Variants in CORIN observed in about 807,000 individuals in gnomAD.
The protein encoded by CORIN is atrial natriuretic peptide-converting enzyme.
CORIN carries 117 observed loss-of-function variants against 125.3 expected under a neutral mutation model. The ratio of observed to expected loss-of-function variants is 0.93; its 90% CI spans 0.80 to 1.09. CORIN has a LOEUF of 1.09. CORIN is among the 50% of genes least tolerant of loss of function. CORIN has a pLI of 0.00. For synonymous variants in CORIN, 450 were observed against 466.4 expected (o/e 0.96, Z 0.45); for missense variants, 1,253 against 1,306.7 (o/e 0.96, Z 0.63).
intron 1 of CORIN, among the ~76,000 whole-genome samples, chr4:47,828,526 C>G (rs1472972701): frequency 2.0e-5 from 3 of 152,208 alleles, no homozygotes; most frequent in Non-Finnish European, 4.4e-5. Flanking sequence ...CACTCCAACT[C>G]CATGGGGACA....
chr4:47,637,410 A>C (rs977571555), intron 16 of CORIN, among the ~76,000 whole-genome samples: 4 of 152,244 alleles, frequency 2.6e-5, no homozygotes, highest in Non-Finnish European at 5.9e-5. Flanking sequence ...TGTCTCCAGG[A>C]CATGTCAGAG....
intron 5 of CORIN, among the ~76,000 whole-genome samples, chr4:47,708,987 C>T (rs1726710005): frequency 6.6e-6 from 1 of 152,198 alleles, no homozygotes; most frequent in South Asian, 2.1e-4. Context: ...CTATCAGCTA[C>T]AAGTGCTTGT....
At chr4:47,678,129 G>T in intron 8 of CORIN, 75 bp from the exon 9 acceptor site, 1 of 986,942 alleles carries the variant, frequency 1.0e-6, no homozygotes, top group Non-Finnish European at 1.6e-6. Flanking sequence ...ATAAGCAACA[G>T]CCATTTATCA....
At chr4:47,649,935 C>G (rs1012781844) in intron 13 of CORIN, among the ~76,000 whole-genome samples, 2 of 152,156 alleles carry the variant, frequency 1.3e-5, no homozygotes, top group Non-Finnish European at 2.9e-5. Context: ...CAAAGAGACA[C>G]AAAAGCATAG....
intron 2 of CORIN, 44 bp from the exon 3 acceptor site, chr4:47,786,969 A>G (rs1290884200): frequency 1.5e-6 from 2 of 1,328,888 alleles, no homozygotes; most frequent in Non-Finnish European, 2.1e-6. Context: ...TCTTTGAAAC[A>G]TTACTAGAAG....
chr4:47,826,826 G>A (rs1732761144), intron 1 of CORIN, among the ~76,000 whole-genome samples: 1 of 152,080 alleles, frequency 6.6e-6, no homozygotes, highest in Admixed American at 6.6e-5. Context: ...ACCCTCTAAT[G>A]CCATAGACAC....
intron 1 of CORIN, 64 bp from the exon 2 acceptor site, chr4:47,807,111 G>T: frequency 7.4e-7 from 1 of 1,351,702 alleles, no homozygotes; most frequent in Non-Finnish European, 1.0e-6. Context: ...GAAATTTTAG[G>T]TTACAGCTAT....
At chr4:47,704,942 AG>A (rs2109765573) in intron 5 of CORIN, among the ~76,000 whole-genome samples, 1 of 152,338 alleles carries the variant, frequency 6.6e-6, no homozygotes, top group African/African-American at 2.4e-5. Context: ...AGGCACACAC[AG>A]GGAAGAATTC....
intron 1 of CORIN, among the ~76,000 whole-genome samples, chr4:47,833,418 AC>A (rs1252163655): frequency 5.9e-5 from 9 of 152,066 alleles, no homozygotes; most frequent in Non-Finnish European, 1.2e-4. Flanking sequence ...TAAAGACTTA[AC>A]CATAAGACCT....
intron 1 of CORIN, among the ~76,000 whole-genome samples, chr4:47,824,655 GA>G (rs1290513955): frequency 6.6e-6 from 1 of 152,120 alleles, no homozygotes; most frequent in African/African-American, 2.4e-5. Context: ...AAACAGGATG[GA>G]AACTCAATTC....
rs535482981 is a variant in CORIN at position 47,632,753 on chromosome 4, A to AGATAGATAGATAGAT, written c.2199-6233_2199-6232insATCTATCTATCTATC. On this transcript the variant is annotated intron_variant, in intron 16 of 21. Coordinates refer to ENST00000273857, the MANE Select transcript of CORIN (RefSeq NM_006587.4). ...TAGATAGATAGATAGATAGATAGAT[A>AGATAGATAGATAGAT]GATAGATAGATAGAGATAGATAGTT... is the stretch of plus-strand genomic sequence containing the variant. 6.8e-3 allele frequency among the ~76,000 whole-genome samples: 813 copies of AGATAGATAGATAGAT among 118,818 alleles called. 10 individuals carry two copies. The highest frequency in any genetic ancestry group is 0.025 in the African/African-American group (766 of 31,164). The allele number at this position is 118,818 out of a possible 152,430, so 77.9% of individuals were successfully genotyped here. A position where few individuals can be genotyped will look rare whatever the true frequency, so the allele number is the denominator to read the frequency against.
chr4:47,740,867 A>G (rs766960231), intron 5 of CORIN, among the ~76,000 whole-genome samples: 44 of 151,976 alleles, frequency 2.9e-4, no homozygotes, highest in Non-Finnish European at 5.9e-4. Context: ...ATAGCTCTTC[A>G]ACAATACATA....
chr4:47,689,387 A>T (rs1377597199), intron 6 of CORIN, among the ~76,000 whole-genome samples: 1 of 152,206 alleles, frequency 6.6e-6, no homozygotes, highest in Non-Finnish European at 1.5e-5. Flanking sequence ...TATCAGAGGC[A>T]GGAAATGGTA....
chr4:47,679,226 A>C (rs896662155), intron 8 of CORIN, among the ~76,000 whole-genome samples: 3 of 152,208 alleles, frequency 2.0e-5, no homozygotes, highest in Non-Finnish European at 4.4e-5. Context: ...ATTATTCTCT[A>C]ATGGGTATAG....
chr4:47,653,618 A>G lies in CORIN; in HGVS notation c.1778T>C (p.Val593Ala). Reference sequence around the variant, plus strand: ...GCCATCACATCTTCTGGAAGCCAGAACACACTGTCCTGAGCGGCACTTGAA... The same window carrying G: ...GCCATCACATCTTCTGGAAGCCAGAGCACACTGTCCTGAGCGGCACTTGAA... The part of the protein sequence containing the change: ...SHFKCRSGQC[V>A]LASRRCDGQA... The change falls in exon 13 of 22, where the codon GTT (valine) becomes GCT (alanine). Residue 593 changes from valine to alanine, a missense_variant. Transcript: ENST00000273857. 6.2e-7 allele frequency: 1 copy of G among 1,614,148 alleles called. No homozygotes were observed. The highest frequency in any genetic ancestry group is 8.5e-7 in the Non-Finnish European group (1 of 1,179,982).
intron 21 of CORIN, among the ~76,000 whole-genome samples, chr4:47,596,389 A>G (rs1402328893): frequency 6.6e-6 from 1 of 152,174 alleles, no homozygotes; most frequent in Non-Finnish European, 1.5e-5. Context: ...AGCATAACAC[A>G]ATTTGGGGTC....
At chr4:47,731,798 G>A (rs1171605399) in intron 5 of CORIN, among the ~76,000 whole-genome samples, 1 of 151,996 alleles carries the variant, frequency 6.6e-6, no homozygotes, top group Non-Finnish European at 1.5e-5. Flanking sequence ...GAACCCAGGA[G>A]GCGGAGGTTG....
At chr4:47,767,847 C>CACAT (rs1489801925) in intron 3 of CORIN, among the ~76,000 whole-genome samples, 1 of 152,090 alleles carries the variant, frequency 6.6e-6, no homozygotes, top group African/African-American at 2.4e-5. Flanking sequence ...AATTCCTGGG[C>CACAT]ACATACAACT....
chr4:47,737,164 G>C (rs1282967763), intron 5 of CORIN, among the ~76,000 whole-genome samples: 1 of 152,208 alleles, frequency 6.6e-6, no homozygotes, highest in Admixed American at 6.5e-5. Flanking sequence ...TCAGAATGGA[G>C]AAAAACCAGA....
Sources: allele counts gnomAD v4.1 joint callset (sites outside exome capture counted in the v4.1 genomes callset), GRCh38; gene constraint gnomAD v4.1.1; transcripts MANE v1.5; gene names NCBI Gene and HGNC (gene_info 2026-07-23, HGNC 2026-07-21).